The following EIF4E2 variants were observed in gnomAD, a reference collection of about 807,000 sequenced individuals.
The protein encoded by EIF4E2 is eukaryotic translation initiation factor 4E type 2.
A neutral mutation model predicts 34.2 loss-of-function variants in EIF4E2; 13 were observed. The ratio of observed to expected loss-of-function variants is 0.38; its 90% CI spans 0.25 to 0.60. The LOEUF (loss-of-function observed/expected upper bound fraction) is 0.60. EIF4E2 is among the 20% of genes least tolerant of loss of function. EIF4E2 has a pLI of 0.62. For missense variants in EIF4E2, 222 were observed against 315.1 expected (o/e 0.70, Z 2.24); for synonymous variants, 100 against 106.6 (o/e 0.94, Z 0.38).
chr2:232,568,590 AC>A (rs1693014089), intron 6 of EIF4E2: 5 of 985,262 alleles, frequency 5.1e-6, no homozygotes, highest in Admixed American at 1.2e-4. Context: ...ACTCCCACTT[AC>A]CCCCAAAATA....
intron 6 of EIF4E2, among the ~76,000 whole-genome samples, chr2:232,578,495 G>C (rs1693271456): frequency 1.3e-5 from 2 of 152,064 alleles, no homozygotes; most frequent in Non-Finnish European, 2.9e-5. Flanking sequence ...GCTGGGCGTG[G>C]TGGTGCACGC....
chr2:232,573,215 T>A (rs1052136453), downstream of EIF4E2, among the ~76,000 whole-genome samples: 4 of 152,210 alleles, frequency 2.6e-5, no homozygotes, highest in Admixed American at 2.6e-4. Context: ...TGGTAATAAT[T>A]CTCTGAAGAA....
At chr2:232,567,341 C>T in intron 6 of EIF4E2, 127 bp downstream of exon 6, 4 of 1,488,896 alleles carry the variant, frequency 2.7e-6, no homozygotes, top group Non-Finnish European at 3.6e-6. Context: ...CAGGCCTTCC[C>T]TCTAGGGCTT....
At chr2:232,570,234 A>G (rs1256992922), downstream of EIF4E2, among the ~76,000 whole-genome samples, 1 of 152,050 alleles carries the variant, frequency 6.6e-6, no homozygotes, top group Non-Finnish European at 1.5e-5. Context: ...TAGGATTAGC[A>G]CTGTGGGCTC....
At chr2:232,554,241 T>C (rs1235583226) in intron 1 of EIF4E2, among the ~76,000 whole-genome samples, 1 of 152,216 alleles carries the variant, frequency 6.6e-6, no homozygotes, top group Admixed American at 6.5e-5. Context: ...ATCTGAGTCC[T>C]GTAGGACAAG....
At chr2:232,563,231 A>G (rs1308886023) in intron 3 of EIF4E2, among the ~76,000 whole-genome samples, 2 of 152,114 alleles carry the variant, frequency 1.3e-5, no homozygotes, top group Admixed American at 6.6e-5. Flanking sequence ...CTTACTACGT[A>G]TCCTCTGTGA....
At position 232,566,774 on chromosome 2, in the gene EIF4E2, C is replaced by T; in HGVS notation, c.376-55C>T. 6.2e-7 allele frequency: 1 copy of T among 1,601,332 alleles called. No homozygotes were observed. Among genetic ancestry groups the T allele is most frequent in the Non-Finnish European group, 8.5e-7 (1 of 1,173,588 alleles). The stretch of plus-strand genomic sequence containing the variant: ...TTCTTGGCTTTTTACTGCCTTCATA[C>T]AAAAAAAGGCTGTGAAACCATATTT... On this transcript the variant is annotated intron_variant, in intron 4 of 6. Transcript: ENST00000258416. The surrounding 1 kb of genome is among the most constrained non-coding windows in gnomAD (Gnocchi z 4.9).
intron 3 of EIF4E2, chr2:232,558,363 C>G (rs1202398558): frequency 1.3e-5 from 2 of 157,826 alleles, no homozygotes; most frequent in East Asian, 3.7e-4. Flanking sequence ...CAGCTCATTG[C>G]AACCTCCGCT....
exon 7 of EIF4E2, chr2:232,582,971 T>A (rs567182143): frequency 1.6e-4 from 24 of 152,346 alleles, no homozygotes; most frequent in African/African-American, 5.8e-4. Context: ...AGGCAGCATC[T>A]TACGCCCAGT....
chr2:232,555,076 T>G (rs1692475170), intron 1 of EIF4E2, among the ~76,000 whole-genome samples: 1 of 152,172 alleles, frequency 6.6e-6, no homozygotes, highest in Non-Finnish European at 1.5e-5. Flanking sequence ...CCCCAACATG[T>G]GACTAGCTCA....
Position 232,581,261 on chromosome 2 carries a change from C to T in EIF4E2, c.*318C>T, listed in dbSNP as rs1397844834. The T allele has an allele frequency of 1.1e-5, 5 of 457,596 alleles. No individual in the cohort carries two copies. The highest frequency in any genetic ancestry group is 2.1e-5 in the Non-Finnish European group (5 of 243,070). The allele number at this position is 457,596 out of a possible 1,614,324, so 28.3% of individuals were successfully genotyped here. On this transcript the variant is annotated 3_prime_UTR_variant, in exon 7 of 7. Coordinates refer to the EIF4E2 transcript ENST00000409098. This position sits in a 1 kb window ranked among gnomAD's most constrained non-coding sequence, Gnocchi z 5.2. Reference sequence around the variant, plus strand: ...TCTTGGGCGTCCTGTTGTTCTCTTCCCGTGTTGTACGAAGGGTACCGTGGC... The same window carrying T: ...TCTTGGGCGTCCTGTTGTTCTCTTCTCGTGTTGTACGAAGGGTACCGTGGC...
intron 2 of EIF4E2, 68 bp from the exon 3 acceptor site, chr2:232,557,816 A>C (rs1692576903): frequency 6.4e-7 from 1 of 1,563,762 alleles, no homozygotes; most frequent in East Asian, 2.3e-5. Context: ...TTGACACTGC[A>C]AAATGTTCTC....
At chr2:232,551,252 G>A (rs756485777) in intron 1 of EIF4E2, 1 of 473,468 alleles carries the variant, frequency 2.1e-6, no homozygotes, top group South Asian at 1.5e-5. Flanking sequence ...GCGGTGGAAG[G>A]CTGGCTTAGG....
rs768928567 is a variant in EIF4E2, at chr2:232,581,080, T to C, written c.*137T>C. The C allele has an allele frequency of 9.2e-6, 8 of 871,158 alleles. No individual in the cohort carries two copies. Among genetic ancestry groups the C allele is most frequent in the Admixed American group, 2.0e-5 (1 of 50,128 alleles). The allele number at this position is 871,158 out of a possible 1,614,324, so 54.0% of individuals were successfully genotyped here. A position where few individuals can be genotyped will look rare whatever the true frequency, so the allele number is the denominator to read the frequency against. On this transcript the variant is annotated 3_prime_UTR_variant, in exon 7 of 7. Coordinates refer to the EIF4E2 transcript ENST00000409098. This position sits in a 1 kb window ranked among gnomAD's most constrained non-coding sequence, Gnocchi z 5.2. ...TGCGCTCTCCTTTTGCACTCATTCC[T>C]GGAGGACGGATTCCGCTAGACACCC...
chr2:232,565,048 T>C (rs1483765902), intron 4 of EIF4E2, among the ~76,000 whole-genome samples: 3 of 74,512 alleles, frequency 4.0e-5, no homozygotes, highest in Non-Finnish European at 7.8e-5. Context: ...GACCTAGAAC[T>C]TTGCAGAGCC....
chr2:232,576,060 T>C lies in EIF4E2; in HGVS notation c.666-4844T>C, dbSNP rs193038299. On this transcript the variant is annotated intron_variant, in intron 6 of 6. Coordinates refer to the EIF4E2 transcript ENST00000409098. The stretch of plus-strand genomic sequence containing the variant: ...CTCTACTAAAAATACAAAAATTAGC[T>C]GGGCGTGGTGGCACACACCTGTTGT... 1.9e-3 allele frequency among the ~76,000 whole-genome samples: 285 copies of C among 152,108 alleles called. 1 individual carries two copies. The East Asian group carries it at 0.041, about 22-fold the overall frequency.
At chr2:232,551,016 A>G (rs1692291948) in intron 1 of EIF4E2, 4 of 606,288 alleles carry the variant, frequency 6.6e-6, no homozygotes, top group Non-Finnish European at 8.9e-6. Context: ...AGATTTTCGG[A>G]CGCCCCGCCC....
chr2:232,567,260 T>A (rs1181182783), intron 6 of EIF4E2, 46 bp downstream of exon 6: 2 of 1,610,586 alleles, frequency 1.2e-6, no homozygotes, highest in South Asian at 2.2e-5. Flanking sequence ...AAGCTTAGTA[T>A]AAGTAGATCT....
chr2:232,581,349 G>A lies in EIF4E2; in HGVS notation c.*406G>A. The A allele has an allele frequency of 5.7e-6, 2 of 353,404 alleles. No individual in the cohort carries two copies. Among genetic ancestry groups the A allele is most frequent in the South Asian group, 4.4e-5 (2 of 45,340 alleles). The allele number at this position is 353,404 out of a possible 1,614,324, so 21.9% of individuals were successfully genotyped here. The stretch of plus-strand genomic sequence containing the variant: ...GTATTATGAATGTCTGTGCATCCAG[G>A]AAAAGTGTTCTGTTGGAGAGTCCCA... On this transcript the variant is annotated 3_prime_UTR_variant, in exon 7 of 7. Coordinates refer to the EIF4E2 transcript ENST00000409098. The surrounding 1 kb of genome is among the most constrained non-coding windows in gnomAD (Gnocchi z 5.2).
Sources: gnomAD v4.1 joint callset for allele counts (sites outside exome capture counted in the v4.1 genomes callset) on GRCh38, gnomAD v4.1.1 for gene constraint, Gnocchi (gnomAD v3.1) non-coding constraint, MANE v1.5 for transcripts, NCBI Gene and HGNC (gene_info 2026-07-23, HGNC 2026-07-21) for gene names.